The following LCT variants were observed in gnomAD, a reference collection of about 807,000 sequenced individuals.
LCT encodes lactase.
Under a neutral mutation model 173.0 loss-of-function variants are expected in LCT, and 90 were observed. The observed-to-expected ratio is 0.52, with a 90% CI of 0.44 to 0.62. The LOEUF (loss-of-function observed/expected upper bound fraction) is 0.62. Among genes scored for constraint, LCT ranks in the 20% least tolerant of loss-of-function variants. LCT has a pLI of 0.00. For synonymous variants in LCT, 853 were observed against 957.6 expected (o/e 0.89, Z 2.02); for missense variants, 1,864 against 2,431.4 (o/e 0.77, Z 4.91).
At position 135,836,645 on chromosome 2, in the gene LCT, C is replaced by G; in HGVS notation, c.525G>C (p.Leu175Phe). The G allele has an allele frequency of 6.2e-7, 1 of 1,614,142 alleles. No individual in the cohort carries two copies. Among genetic ancestry groups the G allele is most frequent in the Non-Finnish European group, 8.5e-7 (1 of 1,180,022 alleles). The change falls in exon 1 of 17, where the codon TTG becomes TTC. Residue 175 changes from leucine to phenylalanine, a missense_variant. Around this residue, in one of 4 missense-constraint regions of LCT, gnomAD observed 412 missense variants for 462.0 expected, o/e 0.89. Coordinates refer to ENST00000264162, the MANE Select transcript of LCT (RefSeq NM_002299.4). ...GGGGAAGCTCCTTGATCACTTCCTC[C>G]AAGTCACTGAAGGTGAACCAGATCC... ...LVGIWFTFSDLEEVIKELPHQ... is the reference protein window; with the variant it reads ...LVGIWFTFSDFEEVIKELPHQ...
rs2077789878 is a variant in LCT, at chr2:135,817,508, T to C, written c.1540A>G (p.Ser514Gly). 6.2e-7 allele frequency: 1 copy of C among 1,613,778 alleles called. No individual in the cohort carries two copies. Reference protein sequence around the residue: ...LQDHGGWQNESVVDAFLDYAA... With the variant: ...LQDHGGWQNEGVVDAFLDYAA... The stretch of plus-strand genomic sequence containing the variant: ...TAGTCCAGGAAGGCATCCACCACGC[T>C]CTCATTCTGCCATCCACCATGATCC... The change falls in exon 6 of 17, where the codon AGC becomes GGC. Residue 514 changes from serine to glycine, a missense_variant. Around this residue, in one of 4 missense-constraint regions of LCT, gnomAD observed 183 missense variants for 293.1 expected, o/e 0.62. Coordinates refer to ENST00000264162, the MANE Select transcript of LCT (RefSeq NM_002299.4).
At position 135,809,429 on chromosome 2, in the gene LCT, G is replaced by A. The variant is rs777034528; in HGVS notation, c.2918C>T (p.Ala973Val). The change falls in exon 8 of 17, where the codon GCC becomes GTC. Residue 973 changes from alanine to valine, a missense_variant. Coordinates refer to ENST00000264162, the MANE Select transcript of LCT (RefSeq NM_002299.4). The surrounding 1 kb of genome is among the most constrained non-coding windows in gnomAD (Gnocchi z 5.5). Reference protein sequence around the residue: ...LNMLRALKVKAYRFSISWSRI... With the variant: ...LNMLRALKVKVYRFSISWSRI... ...AGACCAGGAGATAGAGAAGCGGTAG[G>A]CCTTCACCTTCAAAGCTCGGAGCAT... 1.2e-6 allele frequency: 2 copies of A among 1,614,212 alleles called. No homozygotes were observed. Among genetic ancestry groups the A allele is most frequent in the South Asian group, 2.2e-5 (2 of 91,084 alleles).
Position 135,790,827 on chromosome 2 carries a change from C to T in LCT, c.5166G>A (p.Leu1722=). 6.2e-7 allele frequency: 1 copy of T among 1,614,184 alleles called. No individual in the cohort carries two copies. The highest frequency in any genetic ancestry group is 8.5e-7 in the Non-Finnish European group (1 of 1,180,034). Residue 1722 remains leucine (L), a synonymous_variant, in exon 15 of 17, where the codon CTG becomes CTA. Coordinates refer to ENST00000264162, the MANE Select transcript of LCT (RefSeq NM_002299.4). The surrounding 1 kb of genome is among the most constrained non-coding windows in gnomAD (Gnocchi z 4.1). The part of the protein sequence containing the change: ...RSWPDSGSFW[L]KMTPFGFRRI... ...TCCTGAAGCCAAAAGGCGTCATCTT[C>T]AGCCAGAAGGAGCCAGAGTCTGGCC...
chr2:135,823,374 A>G (rs2077853568), intron 4 of LCT, among the ~76,000 whole-genome samples: 1 of 152,158 alleles, frequency 6.6e-6, no homozygotes, highest in South Asian at 2.1e-4. Flanking sequence ...AATCAGATTC[A>G]CTTTCAAGAA....
intron 1 of LCT, among the ~76,000 whole-genome samples, chr2:135,835,988 ATATATATATATATATATATATATATATG>A (rs1276027805): frequency 3.0e-4 from 9 of 30,444 alleles, no homozygotes; most frequent in Admixed American, 8.4e-4. Flanking sequence ...ATATATATAT[ATATATATATATATATATATATATATATG>A]TATACATATT....
chr2:135,800,475 T>G, intron 12 of LCT, 132 bp downstream of exon 12: 1 of 798,228 alleles, frequency 1.3e-6, no homozygotes, highest in Non-Finnish European at 2.2e-6. Context: ...TCCTCCTGCC[T>G]CAGACTTCCA....
At chr2:135,801,731 A>G in intron 11 of LCT, among the ~76,000 whole-genome samples, 1 of 151,444 alleles carries the variant, frequency 6.6e-6, no homozygotes, top group Non-Finnish European at 1.5e-5. Context: ...ATGCCACCAC[A>G]TCTGGTTAAT....
Position 135,833,147 on chromosome 2 carries a change from C to G in LCT, c.684G>C (p.Glu228Asp), listed in dbSNP as rs1237651297. The stretch of plus-strand genomic sequence containing the variant: ...CAGATATGGGTGGTTCTAGCAGGAG[C>G]TCCGGGATATCTTCAGCTCGCAGGA... ...SVVLRAEDIP[E>D]LLLEPPISAL... Residue 228 changes from glutamate (E) to aspartate (D), a missense_variant, in exon 2 of 17, where the codon GAG becomes GAC. This residue lies in a region of LCT where 412 missense variants were observed against 462.0 expected (regional missense o/e 0.89). Transcript: ENST00000264162. The G allele has an allele frequency of 2.5e-6, 4 of 1,613,900 alleles. No individual in the cohort carries two copies. In the African/African-American group the frequency reaches 5.3e-5, roughly 22 times the overall value.
At chr2:135,812,185 C>A (rs1472002121) in intron 7 of LCT, 126 bp downstream of exon 7, 3 of 813,902 alleles carry the variant, frequency 3.7e-6, no homozygotes, top group Non-Finnish European at 6.4e-6. Flanking sequence ...GTGAAGGACT[C>A]CCCACTATTA....
In LCT at chr2:135,817,728, G is replaced by A. The variant is rs1196149277; in HGVS notation, c.1320C>T (p.Val440=). 1.6e-5 allele frequency: 26 copies of A among 1,613,940 alleles called. No individual in the cohort carries two copies. The highest frequency in any genetic ancestry group is 2.0e-5 in the Non-Finnish European group (24 of 1,180,050). Residue 440 remains valine, a synonymous_variant, in exon 6 of 17, where the codon GTC becomes GTT. Transcript: ENST00000264162. ...SDSYHKVASD[V]ALLCGLRAQV... is the part of the protein sequence containing the mutation. Reference sequence around the variant, plus strand: ...GAGCCCGGAGGCCGCAAAGCAGGGCGACGTCAGAGGCTACCTTGTGGTAAC... The same window carrying A: ...GAGCCCGGAGGCCGCAAAGCAGGGCAACGTCAGAGGCTACCTTGTGGTAAC...
chr2:135,801,927 G>A (rs2077630897), intron 11 of LCT, among the ~76,000 whole-genome samples: 1 of 152,062 alleles, frequency 6.6e-6, no homozygotes, highest in East Asian at 1.9e-4. Flanking sequence ...GGAGTGCAGT[G>A]GTGCCATGAG....
chr2:135,828,606 G>T (rs1351031634), intron 3 of LCT, among the ~76,000 whole-genome samples: 1 of 152,210 alleles, frequency 6.6e-6, no homozygotes, highest in Non-Finnish European at 1.5e-5. Flanking sequence ...AGGAGAAAAC[G>T]TGGGCACCAT....
Position 135,805,017 on chromosome 2 carries a change from A to G in LCT, c.4214T>C (p.Ile1405Thr). Residue 1405 changes from isoleucine (I) to threonine (T), a missense_variant, in exon 10 of 17, where the codon ATT becomes ACT. Physicochemically the swap from Ile to Thr is moderately conservative, Grantham distance 89. Around this residue, in one of 4 missense-constraint regions of LCT, gnomAD observed 514 missense variants for 750.1 expected, o/e 0.69. Coordinates refer to ENST00000264162, the MANE Select transcript of LCT (RefSeq NM_002299.4). ...AWRADGKGLS[I>T]WDTFSHTPLR... The stretch of plus-strand genomic sequence containing the variant: ...TGGTGTGTGAGAAAACGTGTCCCAA[A>G]TGCTGAGTCCTTTGCCATCTGCTCT... The G allele has an allele frequency of 6.2e-7, 1 of 1,614,184 alleles. No homozygotes were observed. The highest frequency in any genetic ancestry group is 8.5e-7 in the Non-Finnish European group (1 of 1,180,024).
intron 10 of LCT, 126 bp from the exon 11 acceptor site, chr2:135,804,254 G>T (rs2077650503): frequency 6.3e-6 from 5 of 797,888 alleles, no homozygotes; most frequent in Admixed American, 2.0e-5. Flanking sequence ...AAGGCTCAAA[G>T]ATTTTTTTCT....
At chr2:135,816,960 C>A (rs2077785360) in intron 6 of LCT, among the ~76,000 whole-genome samples, 1 of 151,924 alleles carries the variant, frequency 6.6e-6, no homozygotes, top group Non-Finnish European at 1.5e-5. Flanking sequence ...CCTCTGCATA[C>A]CAGGCTCAAG....
intron 15 of LCT, 62 bp from the exon 16 acceptor site, chr2:135,789,860 C>A (rs1575328876): frequency 7.4e-7 from 1 of 1,348,632 alleles, no homozygotes; most frequent in African/African-American, 1.4e-5. Flanking sequence ...TCCTGCCAGG[C>A]CTTCGGAAGC....
At chr2:135,824,056 G>T in intron 3 of LCT, 53 bp from the exon 4 acceptor site, 1 of 1,168,784 alleles carries the variant, frequency 8.6e-7, no homozygotes, top group South Asian at 1.2e-5. Flanking sequence ...AAAGCATCTT[G>T]ATAACAGGGA....
chr2:135,810,526 T>C (rs2077725786), intron 7 of LCT, among the ~76,000 whole-genome samples: 2 of 152,174 alleles, frequency 1.3e-5, no homozygotes, highest in African/African-American at 2.4e-5. Flanking sequence ...CATCTTCAAA[T>C]AAATAGTGGA....
rs780210089 is a variant in LCT at position 135,824,018 on chromosome 2, G to A, written c.805-15C>T. On this transcript the variant is annotated splice_polypyrimidine_tract_variant and intron_variant, in intron 3 of 16. Transcript: ENST00000264162. ...GGCTCAATGGTCTGAAAAAGAGAAGGACCAGCAAGTGAACTGAAGCCTCCT... is the reference window on the plus strand; with the variant it reads ...GGCTCAATGGTCTGAAAAAGAGAAGAACCAGCAAGTGAACTGAAGCCTCCT... The A allele has an allele frequency of 1.3e-6, 2 of 1,566,824 alleles. No homozygotes were observed. Among genetic ancestry groups the A allele is most frequent in the South Asian group, 2.2e-5 (2 of 90,108 alleles).
Sources: allele counts gnomAD v4.1 joint callset (sites outside exome capture counted in the v4.1 genomes callset), GRCh38; gene constraint gnomAD v4.1.1; regional missense constraint gnomAD v4.1.1; non-coding constraint Gnocchi (gnomAD v3.1); transcripts MANE v1.5; gene names NCBI Gene and HGNC (gene_info 2026-07-23, HGNC 2026-07-21).